The following METTL9 variants were observed in gnomAD, a reference collection of about 807,000 sequenced individuals.
METTL9 encodes methyltransferase 9, His-X-His N1(pi)-histidine, also known as protein-L-histidine N-pros-methyltransferase.
A neutral mutation model predicts 36.0 loss-of-function variants in METTL9; 10 were observed. That is an observed-to-expected ratio of 0.28 (90% CI 0.17 to 0.47). The LOEUF is 0.47. METTL9 is among the 20% of genes least tolerant of loss of function. METTL9 has a pLI of 0.99. For missense variants in METTL9, 246 were observed against 383.5 expected (o/e 0.64, Z 3.00); for synonymous variants, 175 against 149.7 (o/e 1.17, Z -1.23).
At chr16:21,647,058 A>G (rs536928061) in intron 4 of METTL9, 2 of 1,589,694 alleles carry the variant, frequency 1.3e-6, no homozygotes, top group Non-Finnish European at 1.7e-6. Flanking sequence ...TGATTTCTAC[A>G]TGTGAGTGAG....
chr16:21,651,208 G>A (rs1966566449), intron 4 of METTL9, among the ~76,000 whole-genome samples: 1 of 152,180 alleles, frequency 6.6e-6, no homozygotes, highest in South Asian at 2.1e-4. Flanking sequence ...GGGTGACAGA[G>A]CGAGACTCCG....
At chr16:21,647,204 C>A (rs1966452762) in intron 4 of METTL9, 2 of 1,614,142 alleles carry the variant, frequency 1.2e-6, no homozygotes. Context: ...GAATGCTATT[C>A]CACAGATGTA....
intron 1 of METTL9, among the ~76,000 whole-genome samples, chr16:21,607,058 G>A (rs2152892939): frequency 6.6e-6 from 1 of 152,024 alleles, no homozygotes; most frequent in East Asian, 1.9e-4. Context: ...ATATTAGGAG[G>A]AGTTCATGGG....
At chr16:21,607,422 C>T (rs553097969) in intron 1 of METTL9, among the ~76,000 whole-genome samples, 4 of 152,196 alleles carry the variant, frequency 2.6e-5, no homozygotes, top group Non-Finnish European at 4.4e-5. Context: ...CTTCGGTTGG[C>T]GAATACTGTC....
chr16:21,650,431 G>A (rs556187872), intron 4 of METTL9, among the ~76,000 whole-genome samples: 1 of 149,590 alleles, frequency 6.7e-6, no homozygotes, highest in African/African-American at 2.5e-5. Flanking sequence ...TCGCTTGAAC[G>A]TAGGAGGTGG....
At position 21,625,113 on chromosome 16, in the gene METTL9, A is replaced by C. The variant is rs1459838864; in HGVS notation, c.749A>C (p.Asn250Thr). ...CTCCCCTTTCATCCCTATGTGGAAA[A>C]CGGTAAGTGTGGTCAGTCAGGCTAG... ...LVLPFHPYVE[N>T]VGGKWEKPSE... Residue 250 changes from asparagine to threonine, a missense_variant and splice_region_variant, in exon 4 of 5, where the codon AAC becomes ACC. This residue lies in a region of METTL9 where 146 missense variants were observed against 302.1 expected (regional missense o/e 0.48). Coordinates refer to ENST00000358154, the MANE Select transcript of METTL9 (RefSeq NM_016025.5). 2 of 1,613,928 alleles carry C rather than the reference A, an allele frequency of 1.2e-6. No homozygotes were observed. Among genetic ancestry groups the C allele is most frequent in the Non-Finnish European group, 1.7e-6 (2 of 1,179,964 alleles).
Position 21,617,868 on chromosome 16 carries a change from G to A in METTL9, c.360G>A (p.Leu120=), listed in dbSNP as rs754066483. The A allele has an allele frequency of 3.2e-5, 51 of 1,613,696 alleles. No individual in the cohort carries two copies. Among genetic ancestry groups the A allele is most frequent in the Non-Finnish European group, 4.1e-5 (48 of 1,179,828 alleles). ...TTTTGTCCTTTTTTTCTTTCAGGTT[G>A]CTAGGAAGAGGCTCAATGTTTGTGT... is the stretch of plus-strand genomic sequence containing the variant. The part of the protein sequence containing the change: ...LFMSRTSING[L]LGRGSMFVFS... The change falls in exon 3 of 5, where the codon TTG becomes TTA. Residue 120 remains leucine, a synonymous_variant. Transcript: ENST00000358154.
At chr16:21,638,804 G>A (rs1406013508) in intron 4 of METTL9, among the ~76,000 whole-genome samples, 1 of 152,186 alleles carries the variant, frequency 6.6e-6, no homozygotes, top group Non-Finnish European at 1.5e-5. Context: ...ATGAAGGTGT[G>A]AGTAAGGTTT....
chr16:21,652,256 T>C (rs1597792060), intron 4 of METTL9: 1 of 297,218 alleles, frequency 3.4e-6, no homozygotes, highest in South Asian at 1.0e-4. Flanking sequence ...TGATAACTTA[T>C]ACCTACGATT....
chr16:21,598,594 T>C (rs536805699), upstream of METTL9, among the ~76,000 whole-genome samples: 2 of 152,190 alleles, frequency 1.3e-5, no homozygotes, highest in Non-Finnish European at 2.9e-5. Flanking sequence ...GAAATGTTAC[T>C]CCTTAATTGT....
At chr16:21,625,488 G>T (rs1294651207) in intron 4 of METTL9, among the ~76,000 whole-genome samples, 2 of 152,152 alleles carry the variant, frequency 1.3e-5, no homozygotes, top group African/African-American at 2.4e-5. Context: ...CTTGCTGAAT[G>T]TCATGGCTGT....
At chr16:21,623,124 GT>G (rs1965744168) in intron 3 of METTL9, among the ~76,000 whole-genome samples, 1 of 152,166 alleles carries the variant, frequency 6.6e-6, no homozygotes, top group Non-Finnish European at 1.5e-5. Flanking sequence ...TGCTATTACA[GT>G]TGACTTAGTA....
In METTL9 at chr16:21,599,640, G is replaced by C; in HGVS notation, c.-94G>C. On this transcript the variant is annotated 5_prime_UTR_variant, in exon 1 of 5. Coordinates refer to ENST00000358154, the MANE Select transcript of METTL9 (RefSeq NM_016025.5). This position sits in a 1 kb window ranked among gnomAD's most constrained non-coding sequence, Gnocchi z 4.4. ...GGGCAAGGCGGCCGCGATGGCTCGA[G>C]CTCGGGCGGTGGCGGCGGTGGCCGG... 1 of 1,343,710 alleles carries C rather than the reference G, an allele frequency of 7.4e-7. No individual in the cohort carries two copies. Among genetic ancestry groups the C allele is most frequent in the Non-Finnish European group, 9.5e-7 (1 of 1,056,946 alleles). The allele number at this position is 1,343,710 out of a possible 1,614,324, so 83.2% of individuals were successfully genotyped here. A position where few individuals can be genotyped will look rare whatever the true frequency, so the allele number is the denominator to read the frequency against.
chr16:21,647,217 T>C (rs2141619027), intron 4 of METTL9: 2 of 1,614,128 alleles, frequency 1.2e-6, no homozygotes, highest in East Asian at 2.2e-5. Flanking sequence ...CAGATGTAAA[T>C]TGCACTGTCA....
intron 2 of METTL9, among the ~76,000 whole-genome samples, chr16:21,615,578 C>G (rs1390381851): frequency 2.0e-5 from 3 of 152,106 alleles, no homozygotes; most frequent in Non-Finnish European, 4.4e-5. Context: ...GAGCTCTGAG[C>G]TCAGGTGACC....
At chr16:21,643,248 G>T (rs1273606403) in intron 4 of METTL9, 2 of 933,718 alleles carry the variant, frequency 2.1e-6, no homozygotes, top group African/African-American at 1.6e-5. Context: ...TATTGCCACC[G>T]GTCCCAAAAA....
intron 4 of METTL9, chr16:21,646,977 A>G: frequency 9.9e-7 from 1 of 1,007,694 alleles, no homozygotes. Context: ...CTTTAGTCCA[A>G]ACCTCATGGT....
Position 21,599,776 on chromosome 16 carries a change from G to T in METTL9, c.43G>T (p.Val15Leu). The change falls in exon 1 of 5, where the codon GTG (valine) becomes TTG (leucine). Residue 15 changes from valine (V) to leucine (L), a missense_variant. Transcript: ENST00000358154. The surrounding 1 kb of genome is among the most constrained non-coding windows in gnomAD (Gnocchi z 4.4). ...CTGGCTGTGCCTGAGCCTGGCGTCC[G>T]TGTGGCTGGCGCGGAGGATGTGGAC... ...AGWLCLSLAS[V>L]WLARRMWTLR... 6.5e-7 allele frequency: 1 copy of T among 1,545,784 alleles called. No individual in the cohort carries two copies. The highest frequency in any genetic ancestry group is 2.7e-5 in the East Asian group (1 of 37,476).
intron 4 of METTL9, among the ~76,000 whole-genome samples, chr16:21,647,932 A>C (rs748266796): frequency 1.1e-4 from 16 of 152,142 alleles, no homozygotes; most frequent in Non-Finnish European, 2.2e-4. Flanking sequence ...CCCCAGACGA[A>C]CGTTGCTGCC....
Sources: allele counts gnomAD v4.1 joint callset (sites outside exome capture counted in the v4.1 genomes callset), GRCh38; gene constraint gnomAD v4.1.1; regional missense constraint gnomAD v4.1.1; non-coding constraint Gnocchi (gnomAD v3.1); transcripts MANE v1.5; gene names NCBI Gene and HGNC (gene_info 2026-07-23, HGNC 2026-07-21).